The following KIRREL3 variants were observed in gnomAD, a reference collection of about 807,000 sequenced individuals.
KIRREL3 encodes the protein kirre like nephrin family adhesion molecule 3, also known as kin of IRRE-like protein 3.
In KIRREL3, 36 loss-of-function variants were observed where a neutral mutation model predicts 89.7. That is an observed-to-expected ratio of 0.40 (90% CI 0.31 to 0.53). KIRREL3 has a LOEUF of 0.53. Ranked by LOEUF, KIRREL3 falls within the 20% of genes least tolerant of loss-of-function variation. The pLI is 0.49. For synonymous variants in KIRREL3, 445 were observed against 441.4 expected (o/e 1.01, Z -0.10); for missense variants, 864 against 1,056.6 (o/e 0.82, Z 2.53).
rs1194368099 is a variant in KIRREL3, at chr11:126,708,542, C to T, written c.56-145630G>A. Among the ~76,000 whole-genome samples, 3 of 152,176 alleles carry T rather than the reference C, an allele frequency of 2.0e-5. No individual in the cohort carries two copies. Among genetic ancestry groups the T allele is most frequent in the Non-Finnish European group, 4.4e-5 (3 of 68,042 alleles). On this transcript the variant is annotated intron_variant, in intron 1 of 16. Transcript: ENST00000525144. This position sits in a 1 kb window ranked among gnomAD's most constrained non-coding sequence, Gnocchi z 5.7. ...TCATCACCATCAGTAACAGTAACAA[C>T]AGCTTCATTAACAAGTTGCTGTTCC...
rs953108197 is a variant in KIRREL3 at position 126,442,190 on chromosome 11, G to T, written c.1253-1641C>A. On this transcript the variant is annotated intron_variant, in intron 10 of 16. Coordinates refer to ENST00000525144, the MANE Select transcript of KIRREL3 (RefSeq NM_032531.4). Reference sequence around the variant, plus strand: ...GCAGGAGAATTGCTTGAACCTGGGAGGTGGAGGTTGCAGTGAGCCGAGATT... The same window carrying T: ...GCAGGAGAATTGCTTGAACCTGGGATGTGGAGGTTGCAGTGAGCCGAGATT... Among the ~76,000 whole-genome samples the T allele has an allele frequency of 4.5e-4, 67 of 148,938 alleles. 1 individual carries two copies. The highest frequency in any genetic ancestry group is 1.5e-5 in the Non-Finnish European group (1 of 67,456).
At position 126,879,106 on chromosome 11, in the gene KIRREL3, C is replaced by T. The variant is rs371502150; in HGVS notation, c.55+121349G>A. On this transcript the variant is annotated intron_variant, in intron 1 of 16. Coordinates refer to ENST00000525144, the MANE Select transcript of KIRREL3 (RefSeq NM_032531.4). This position sits in a 1 kb window ranked among gnomAD's most constrained non-coding sequence, Gnocchi z 5.4. Reference sequence around the variant, plus strand: ...GCAATTACAATGGCATCTTTCTTCCCATCACTGACAGCAAAGGGAGGAAAT... The same window carrying T: ...GCAATTACAATGGCATCTTTCTTCCTATCACTGACAGCAAAGGGAGGAAAT... 1.3e-4 allele frequency among the ~76,000 whole-genome samples: 20 copies of T among 152,320 alleles called. No homozygotes were observed. In the East Asian group the frequency reaches 3.3e-3, roughly 25 times the overall value.
In KIRREL3 at chr11:126,729,696, G is replaced by A. The variant is rs984877392; in HGVS notation, c.56-166784C>T. 6.6e-6 allele frequency among the ~76,000 whole-genome samples: 1 copy of A among 152,104 alleles called. No individual in the cohort carries two copies. Among genetic ancestry groups the A allele is most frequent in the Non-Finnish European group, 1.5e-5 (1 of 68,014 alleles). On this transcript the variant is annotated intron_variant, in intron 1 of 16. Coordinates refer to ENST00000525144, the MANE Select transcript of KIRREL3 (RefSeq NM_032531.4). This position sits in a 1 kb window ranked among gnomAD's most constrained non-coding sequence, Gnocchi z 4.5. ...CCTCCGTAGATACTCATGGGGCCCC[G>A]GGCACTCCACTGGACAGGTGAAAAG...
At chr11:126,934,671 T>C (rs1349797933) in intron 1 of KIRREL3, among the ~76,000 whole-genome samples, 2 of 152,054 alleles carry the variant, frequency 1.3e-5, no homozygotes, top group Admixed American at 6.6e-5. Context: ...GAAGAAAACA[T>C]TTGCAAAAGT....
chr11:126,826,849 T>C (rs571888261), intron 1 of KIRREL3, among the ~76,000 whole-genome samples: 1 of 152,308 alleles, frequency 6.6e-6, no homozygotes, highest in South Asian at 2.1e-4. Flanking sequence ...CCAAAACAAA[T>C]GTTGTCATTA....
At chr11:126,828,237 C>T (rs532415470) in intron 1 of KIRREL3, among the ~76,000 whole-genome samples, 27 of 152,292 alleles carry the variant, frequency 1.8e-4, no homozygotes, top group Non-Finnish European at 2.1e-4. Context: ...TTAATCCCAA[C>T]GCCCACCCCC....
chr11:126,642,889 G>A lies in KIRREL3; in HGVS notation c.56-79977C>T, dbSNP rs893742030. On this transcript the variant is annotated intron_variant, in intron 1 of 16. Transcript: ENST00000525144. This position sits in a 1 kb window ranked among gnomAD's most constrained non-coding sequence, Gnocchi z 4.9. ...ATCTCCTCTGTGTCAGGCTTGAAGT[G>A]AGAAATTCAAAGGTGAACCAAGCAT... Among the ~76,000 whole-genome samples, 8 of 152,180 alleles carry A rather than the reference G, an allele frequency of 5.3e-5. No individual in the cohort carries two copies. The highest frequency in any genetic ancestry group is 8.8e-5 in the Non-Finnish European group (6 of 68,030).
chr11:126,557,684 G>A lies in KIRREL3; in HGVS notation c.133+5151C>T, dbSNP rs185411117. 3.3e-5 allele frequency among the ~76,000 whole-genome samples: 5 copies of A among 152,218 alleles called. No homozygotes were observed. Among genetic ancestry groups the A allele is most frequent in the Admixed American group, 6.5e-5 (1 of 15,292 alleles). On this transcript the variant is annotated intron_variant, in intron 2 of 16. Coordinates refer to ENST00000525144, the MANE Select transcript of KIRREL3 (RefSeq NM_032531.4). This position sits in a 1 kb window ranked among gnomAD's most constrained non-coding sequence, Gnocchi z 5.6. The stretch of plus-strand genomic sequence containing the variant: ...GGGTGCATAAAGAACAGGCTCTCAC[G>A]CCATCATAAAGAACTTTAGAGCTGT...
chr11:126,734,750 G>A lies in KIRREL3; in HGVS notation c.56-171838C>T, dbSNP rs930284848. On this transcript the variant is annotated intron_variant, in intron 1 of 16. Coordinates refer to ENST00000525144, the MANE Select transcript of KIRREL3 (RefSeq NM_032531.4). The surrounding 1 kb of genome is among the most constrained non-coding windows in gnomAD (Gnocchi z 5.9). ...ACTGTGTGATATGGTCAGTAACAGA[G>A]TGTGTCAAAGTGCTAAGGAATCACA... Among the ~76,000 whole-genome samples the A allele has an allele frequency of 1.3e-5, 2 of 152,222 alleles. No individual in the cohort carries two copies. Among genetic ancestry groups the A allele is most frequent in the Non-Finnish European group, 2.9e-5 (2 of 68,040 alleles).
rs61897920 is a variant in KIRREL3 at position 126,747,842 on chromosome 11, C to T, written c.56-184930G>A. Among the ~76,000 whole-genome samples the T allele has an allele frequency of 6.7e-3, 1,019 of 152,212 alleles. 7 individuals carry two copies. The highest frequency in any genetic ancestry group is 0.012 in the Admixed American group (177 of 15,292). ...AGAGCTGTCCTTTGTAGAAGTGATTCTCAGTGGCCCTTGCCCCTTAGCAAC... is the reference window on the plus strand; with the variant it reads ...AGAGCTGTCCTTTGTAGAAGTGATTTTCAGTGGCCCTTGCCCCTTAGCAAC... On this transcript the variant is annotated intron_variant, in intron 1 of 16. Coordinates refer to ENST00000525144, the MANE Select transcript of KIRREL3 (RefSeq NM_032531.4). This position sits in a 1 kb window ranked among gnomAD's most constrained non-coding sequence, Gnocchi z 4.7.
At position 126,897,751 on chromosome 11, in the gene KIRREL3, A is replaced by C. The variant is rs2134816372; in HGVS notation, c.55+102704T>G. On this transcript the variant is annotated intron_variant, in intron 1 of 16. Coordinates refer to ENST00000525144, the MANE Select transcript of KIRREL3 (RefSeq NM_032531.4). The surrounding 1 kb of genome is among the most constrained non-coding windows in gnomAD (Gnocchi z 4.2). ...GCAGCAGTACAACATGCAGCAGCAA[A>C]AGCCCATTTTATTCTCATGAAAAAG... Among the ~76,000 whole-genome samples, 1 of 152,334 alleles carries C rather than the reference A, an allele frequency of 6.6e-6. No homozygotes were observed. Among genetic ancestry groups the C allele is most frequent in the Non-Finnish European group, 1.5e-5 (1 of 68,036 alleles).
chr11:126,637,006 C>T (rs1944291243), intron 1 of KIRREL3, among the ~76,000 whole-genome samples: 2 of 152,142 alleles, frequency 1.3e-5, no homozygotes, highest in South Asian at 4.2e-4. Context: ...TAGGCTACCT[C>T]CCTTCCTCCT....
chr11:126,781,752 C>T (rs1226655564), intron 1 of KIRREL3, among the ~76,000 whole-genome samples: 1 of 152,166 alleles, frequency 6.6e-6, no homozygotes, highest in Non-Finnish European at 1.5e-5. Flanking sequence ...GGCCACCCGG[C>T]TCACCCACTT....
At chr11:126,916,943 C>T (rs890428273) in intron 1 of KIRREL3, among the ~76,000 whole-genome samples, 13 of 152,308 alleles carry the variant, frequency 8.5e-5, no homozygotes, top group African/African-American at 2.6e-4. Context: ...GGTTCTCCTA[C>T]GACTGTTTCT....
At position 126,689,708 on chromosome 11, in the gene KIRREL3, G is replaced by C. The variant is rs1396755317; in HGVS notation, c.56-126796C>G. The stretch of plus-strand genomic sequence containing the variant: ...GTTTCGCTTCAAGTCAGTGCAACTA[G>C]CTACCTGTCTTCCTGTCACTTTTCT... On this transcript the variant is annotated intron_variant, in intron 1 of 16. Transcript: ENST00000525144. This position sits in a 1 kb window ranked among gnomAD's most constrained non-coding sequence, Gnocchi z 5.2. 6.6e-6 allele frequency among the ~76,000 whole-genome samples: 1 copy of C among 152,228 alleles called. No individual in the cohort carries two copies. Among genetic ancestry groups the C allele is most frequent in the Non-Finnish European group, 1.5e-5 (1 of 68,040 alleles).
intron 6 of KIRREL3, among the ~76,000 whole-genome samples, chr11:126,457,481 ATATG>A (rs535654624): frequency 1.0e-4 from 15 of 150,512 alleles, no homozygotes; most frequent in Admixed American, 6.0e-4. Flanking sequence ...GTGTATGCTT[ATATG>A]TATGTATGTA....
rs954730250 is a variant in KIRREL3 at position 126,912,120 on chromosome 11, G to A, written c.55+88335C>T. ...CCTTCAGACCCCTGGCAGTCTGGAA[G>A]CCTAGATGTCGTGAATCAAGCCTCT... On this transcript the variant is annotated intron_variant, in intron 1 of 16. Coordinates refer to ENST00000525144, the MANE Select transcript of KIRREL3 (RefSeq NM_032531.4). This position sits in a 1 kb window ranked among gnomAD's most constrained non-coding sequence, Gnocchi z 4.7. 6.6e-6 allele frequency among the ~76,000 whole-genome samples: 1 copy of A among 152,064 alleles called. No individual in the cohort carries two copies. The highest frequency in any genetic ancestry group is 2.4e-5 in the African/African-American group (1 of 41,404).
rs1456944447 is a variant in KIRREL3 at position 126,883,148 on chromosome 11, A to G, written c.55+117307T>C. On this transcript the variant is annotated intron_variant, in intron 1 of 16. Transcript: ENST00000525144. The surrounding 1 kb of genome is among the most constrained non-coding windows in gnomAD (Gnocchi z 4.1). ...GCCTTTCTCTTCTGAAAATTAATTG[A>G]GTCAGATACTGAATCTGGAGCCTAA... is the stretch of plus-strand genomic sequence containing the variant. Among the ~76,000 whole-genome samples the G allele has an allele frequency of 6.6e-6, 1 of 152,196 alleles. No individual in the cohort carries two copies. Among genetic ancestry groups the G allele is most frequent in the Non-Finnish European group, 1.5e-5 (1 of 68,034 alleles).
intron 1 of KIRREL3, among the ~76,000 whole-genome samples, chr11:126,751,392 G>A (rs1186509074): frequency 1.3e-5 from 2 of 152,220 alleles, no homozygotes. Flanking sequence ...AAGGAGAACA[G>A]CTGGGAAGGT....
Sources: allele counts gnomAD v4.1 joint callset (sites outside exome capture counted in the v4.1 genomes callset), GRCh38; gene constraint gnomAD v4.1.1; non-coding constraint Gnocchi (gnomAD v3.1); transcripts MANE v1.5; gene names NCBI Gene and HGNC (gene_info 2026-07-23, HGNC 2026-07-21).